Variants in CALN1 observed in about 807,000 individuals in gnomAD.
CALN1 encodes calneuron 1.
Under a neutral mutation model 30.6 loss-of-function variants are expected in CALN1, and 17 were observed. That is an observed-to-expected ratio of 0.56 (90% CI 0.38 to 0.83). CALN1 has a LOEUF of 0.83. CALN1 is among the 40% of genes least tolerant of loss of function. The probability of loss-of-function intolerance (pLI) is 0.00; values close to 1 mark genes in which losing one functional copy is unlikely to be tolerated. For missense variants in CALN1, 291 were observed against 354.9 expected (o/e 0.82, Z 1.45); for synonymous variants, 156 against 131.4 (o/e 1.19, Z -1.28).
At chr7:71,869,669 G>A (rs1791805579) in intron 5 of CALN1, among the ~76,000 whole-genome samples, 1 of 152,172 alleles carries the variant, frequency 6.6e-6, no homozygotes, top group Non-Finnish European at 1.5e-5. Context: ...GTACTACTCT[G>A]CCATCCTGTT....
At chr7:72,010,295 T>C (rs1030831227) in intron 5 of CALN1, among the ~76,000 whole-genome samples, 7 of 152,184 alleles carry the variant, frequency 4.6e-5, no homozygotes, top group African/African-American at 1.2e-4. Context: ...AGGAAATCAG[T>C]TGATATTCTG....
At chr7:72,163,615 C>T (rs1046585944) in intron 3 of CALN1, among the ~76,000 whole-genome samples, 51 of 152,204 alleles carry the variant, frequency 3.4e-4, no homozygotes, top group African/African-American at 1.2e-3. Flanking sequence ...AATAAAAATT[C>T]TAGAACTAAA....
chr7:71,934,699 G>C (rs982173469), intron 5 of CALN1, among the ~76,000 whole-genome samples: 1 of 151,804 alleles, frequency 6.6e-6, no homozygotes, highest in Non-Finnish European at 1.5e-5. Flanking sequence ...CTCCAACACT[G>C]AGGGTTGTAT....
At chr7:71,906,984 A>G (rs1794172323) in intron 5 of CALN1, among the ~76,000 whole-genome samples, 1 of 152,100 alleles carries the variant, frequency 6.6e-6, no homozygotes, top group Non-Finnish European at 1.5e-5. Flanking sequence ...CACCCGGTTC[A>G]GGTGACAGAG....
At chr7:71,866,403 T>C (rs950593949) in intron 5 of CALN1, among the ~76,000 whole-genome samples, 1 of 152,092 alleles carries the variant, frequency 6.6e-6, no homozygotes. Context: ...TATTATGCAA[T>C]ATACATATTA....
chr7:72,429,591 A>G (rs2129563956), intron 1 of CALN1, among the ~76,000 whole-genome samples: 1 of 152,170 alleles, frequency 6.6e-6, no homozygotes, highest in South Asian at 2.1e-4. Flanking sequence ...AAAAGAAAGC[A>G]TGTAGAATAG....
At chr7:72,238,565 C>T (rs774297597) in intron 3 of CALN1, among the ~76,000 whole-genome samples, 33 of 151,836 alleles carry the variant, frequency 2.2e-4, no homozygotes, top group Middle Eastern at 3.4e-3. Flanking sequence ...CTTGTAATCC[C>T]TACATGTCAT....
At chr7:72,386,094 G>A (rs1484136347) in intron 2 of CALN1, among the ~76,000 whole-genome samples, 3 of 152,196 alleles carry the variant, frequency 2.0e-5, no homozygotes, top group South Asian at 4.1e-4. Flanking sequence ...AGGGATAAAG[G>A]GAAAGGTTGA....
At chr7:72,488,259 TA>T in the CALN1 span, among the ~76,000 whole-genome samples, 1 of 151,770 alleles carries the variant, frequency 6.6e-6, no homozygotes, top group African/African-American at 2.4e-5. Flanking sequence ...TAGTTTCAGT[TA>T]CTTGGGAGGC....
At chr7:72,106,884 G>C (rs893904962) in intron 3 of CALN1, among the ~76,000 whole-genome samples, 1 of 145,674 alleles carries the variant, frequency 6.9e-6, no homozygotes, top group African/African-American at 2.5e-5. Flanking sequence ...AGGAAAAAAG[G>C]AAAGAAGAAA....
At chr7:71,800,849 A>G (rs1787257153) in intron 6 of CALN1, among the ~76,000 whole-genome samples, 1 of 152,160 alleles carries the variant, frequency 6.6e-6, no homozygotes, top group Non-Finnish European at 1.5e-5. Context: ...CATGTGCAGA[A>G]TGTGCAGGTT....
intron 3 of CALN1, among the ~76,000 whole-genome samples, chr7:72,167,308 CAGT>C (rs2129545203): frequency 6.6e-6 from 1 of 152,210 alleles, no homozygotes; most frequent in South Asian, 2.1e-4. Flanking sequence ...GATTGAGAAT[CAGT>C]AGACTAACAT....
At chr7:72,281,740 T>C (rs540627194) in intron 2 of CALN1, among the ~76,000 whole-genome samples, 1 of 152,278 alleles carries the variant, frequency 6.6e-6, no homozygotes, top group African/African-American at 2.4e-5. Flanking sequence ...ATAAATATCT[T>C]CCTATTGTCA....
intron 3 of CALN1, among the ~76,000 whole-genome samples, chr7:72,125,950 C>G (rs2129542517): frequency 6.6e-6 from 1 of 152,172 alleles, no homozygotes; most frequent in South Asian, 2.1e-4. Context: ...TAGGCGCGTG[C>G]CACCACGCCC....
In CALN1 at chr7:71,787,716, G is replaced by GC. The variant is rs1793055419; in HGVS notation, c.*58dup. On this transcript the variant is annotated 3_prime_UTR_variant, in exon 7 of 7. Coordinates refer to ENST00000395275, the MANE Select transcript of CALN1 (RefSeq NM_031468.4). ...TGTCTGCTGTGTGGAGGAAGAGTCT[G>GC]CCCGCACGGCATGCACATGCGCGGT... 2 of 1,598,760 alleles carry GC rather than the reference G, an allele frequency of 1.3e-6. No individual in the cohort carries two copies. Among genetic ancestry groups the GC allele is most frequent in the East Asian group, 2.2e-5 (1 of 44,666 alleles).
intron 3 of CALN1, among the ~76,000 whole-genome samples, chr7:72,193,954 G>A (rs1180463013): frequency 6.6e-6 from 1 of 152,092 alleles, no homozygotes; most frequent in African/African-American, 2.4e-5. Flanking sequence ...TGAGGACTTG[G>A]GGGAAAGGGT....
the CALN1 span, among the ~76,000 whole-genome samples, chr7:72,486,988 C>A: frequency 6.6e-6 from 1 of 152,142 alleles, no homozygotes; most frequent in Non-Finnish European, 1.5e-5. Context: ...CGGGAGTATT[C>A]TTATTATGTA....
At chr7:72,164,071 G>T (rs1194482999) in intron 3 of CALN1, among the ~76,000 whole-genome samples, 8 of 152,126 alleles carry the variant, frequency 5.3e-5, no homozygotes, top group African/African-American at 1.9e-4. Context: ...ATCCTTTTAA[G>T]AAGATGGCCA....
intron 1 of CALN1, among the ~76,000 whole-genome samples, chr7:72,408,822 C>A (rs1033319853): frequency 1.3e-5 from 2 of 151,578 alleles, no homozygotes; most frequent in Non-Finnish European, 2.9e-5. Flanking sequence ...GGACTACAGG[C>A]GGGCACCATC....
Sources: gnomAD v4.1 joint callset for allele counts (sites outside exome capture counted in the v4.1 genomes callset) on GRCh38, gnomAD v4.1.1 for gene constraint, MANE v1.5 for transcripts, NCBI Gene and HGNC (gene_info 2026-07-23, HGNC 2026-07-21) for gene names.